SLC35F6: variants seen among roughly 807,000 people sequenced by gnomAD.
The protein encoded by SLC35F6 is ANT2-binding protein.
In SLC35F6, 26 loss-of-function variants were observed where a neutral mutation model predicts 29.4. The ratio of observed to expected loss-of-function variants is 0.89; its 90% CI spans 0.65 to 1.23. The LOEUF is 1.23. Among genes scored for constraint, SLC35F6 ranks in the 50% most tolerant of loss-of-function variants. SLC35F6 has a pLI of 0.00. For missense variants in SLC35F6, 428 were observed against 487.8 expected, an observed-to-expected ratio of 0.88 and a Z score of 1.15; for synonymous variants, 174 against 206.6, an observed-to-expected ratio of 0.84 and a Z score of 1.35.
chr2:26,775,260 G>A lies in SLC35F6; in HGVS notation c.322+45G>A. 1.3e-6 allele frequency: 2 copies of A among 1,586,456 alleles called. No individual in the cohort carries two copies. The highest frequency in any genetic ancestry group is 8.6e-7 in the Non-Finnish European group (1 of 1,164,998). ...TGAGAAGGGCTCAGGGGAAGCTGTGGCTGAAGGGGCTACTGGTGAAACAGC... is the reference window on the plus strand; with the variant it reads ...TGAGAAGGGCTCAGGGGAAGCTGTGACTGAAGGGGCTACTGGTGAAACAGC... On this transcript the variant is annotated intron_variant, in intron 3 of 5. Transcript: ENST00000344420. This position sits in a 1 kb window ranked among gnomAD's most constrained non-coding sequence, Gnocchi z 4.6.
rs375082105 is a variant in SLC35F6, at chr2:26,778,530, A to G, written c.*19A>G. On this transcript the variant is annotated 3_prime_UTR_variant, in exon 6 of 6. Coordinates refer to ENST00000344420, the MANE Select transcript of SLC35F6 (RefSeq NM_017877.4). ...CAGCTGAGGTTCCCTGGAGGCTTCT[A>G]CTGCCACCCGGGTGCTCCTTCTCCC... The G allele has an allele frequency of 9.6e-6, 15 of 1,561,838 alleles. No homozygotes were observed. The highest frequency in any genetic ancestry group is 8.1e-5 in the African/African-American group (6 of 73,634).
At chr2:26,777,394 G>A (rs1017619535) in intron 5 of SLC35F6, among the ~76,000 whole-genome samples, 2 of 152,192 alleles carry the variant, frequency 1.3e-5, no homozygotes, top group Non-Finnish European at 2.9e-5. Context: ...ATACAGCTGC[G>A]CTTTCAAAGA....
At chr2:26,772,802 G>A (rs149417010) in intron 1 of SLC35F6, among the ~76,000 whole-genome samples, 48 of 152,332 alleles carry the variant, frequency 3.2e-4, no homozygotes, top group African/African-American at 1.0e-3. Context: ...CAGCAAAGAC[G>A]AAATTCAAGA....
intron 1 of SLC35F6, among the ~76,000 whole-genome samples, chr2:26,771,814 G>A (rs1572632369): frequency 6.6e-6 from 1 of 151,490 alleles, no homozygotes; most frequent in Non-Finnish European, 1.5e-5. Context: ...AAAAAAAAAA[G>A]AGAAAGAAGT....
rs1401053434 is a variant in SLC35F6, at chr2:26,778,400, GCTA to G, written c.1007_1009del (p.Leu336del). On this transcript the variant is annotated inframe_deletion, in exon 6 of 6. Coordinates refer to ENST00000344420, the MANE Select transcript of SLC35F6 (RefSeq NM_017877.4). ...TTATAGGCACTGCCCTCTACAATGG[GCTA>G]CACCGTCCGCTGCTGGGCCGCCTGT... is the stretch of plus-strand genomic sequence containing the variant. 8 of 1,614,086 alleles carry G rather than the reference GCTA, an allele frequency of 5.0e-6. No individual in the cohort carries two copies. In the Admixed American group the frequency reaches 1.3e-4, roughly 27 times the overall value.
chr2:26,768,903 A>G (rs992929980), intron 1 of SLC35F6, among the ~76,000 whole-genome samples: 1 of 152,222 alleles, frequency 6.6e-6, no homozygotes, highest in East Asian at 1.9e-4. Context: ...TCAGCCTCCC[A>G]AAGTGTTGGG....
rs116386619 is a variant in SLC35F6, at chr2:26,779,009, C to T, written c.*498C>T. On this transcript the variant is annotated 3_prime_UTR_variant, in exon 6 of 6. Transcript: ENST00000344420. ...CTGGAGTGCAGTGGCACGATCTCGGCGGCTCACTACAACCTCTGCCTCCCA... is the reference window on the plus strand; with the variant it reads ...CTGGAGTGCAGTGGCACGATCTCGGTGGCTCACTACAACCTCTGCCTCCCA... 0.027 allele frequency: 4,119 copies of T among 152,272 alleles called. 193 individuals carry two copies. Among genetic ancestry groups the T allele is most frequent in the African/African-American group, 0.096 (3,936 of 41,194 alleles). 9.4% of individuals were successfully genotyped at this position (152,272 alleles called of 1,614,324 possible). A position where few individuals can be genotyped will look rare whatever the true frequency, so the allele number is the denominator to read the frequency against.
intron 1 of SLC35F6, among the ~76,000 whole-genome samples, chr2:26,765,304 G>A (rs1664077299): frequency 6.6e-6 from 1 of 152,220 alleles, no homozygotes; most frequent in African/African-American, 2.4e-5. Flanking sequence ...AGGGCAAGTG[G>A]CCAGTTCAGC....
chr2:26,777,161 C>T (rs187006352), intron 5 of SLC35F6, among the ~76,000 whole-genome samples: 73 of 152,288 alleles, frequency 4.8e-4, no homozygotes, highest in African/African-American at 1.5e-3. Context: ...ATTGCGCCAC[C>T]GCACTCCAGC....
Position 26,775,696 on chromosome 2 carries a change from C to T in SLC35F6, c.535+20C>T, listed in dbSNP as rs1664286596. On this transcript the variant is annotated intron_variant, in intron 4 of 5. Coordinates refer to ENST00000344420, the MANE Select transcript of SLC35F6 (RefSeq NM_017877.4). This position sits in a 1 kb window ranked among gnomAD's most constrained non-coding sequence, Gnocchi z 4.6. ...TCACAGGTGCGGCCAGGGGCAGGGA[C>T]ACGGGGCTGCCCTATCCTGCCCTGT... 2 of 1,543,274 alleles carry T rather than the reference C, an allele frequency of 1.3e-6. No homozygotes were observed. The highest frequency in any genetic ancestry group is 2.4e-5 in the South Asian group (2 of 83,720).
Position 26,778,227 on chromosome 2 carries a change from T to C in SLC35F6, c.832T>C (p.Phe278Leu). Residue 278 changes from phenylalanine (F) to leucine (L), a missense_variant, in exon 6 of 6, where the codon TTC becomes CTC. By Grantham distance (22) the Phe-to-Leu change is conservative (BLOSUM62 0). Transcript: ENST00000344420. ...CATCAGCAGCATTGCCTTCTTCAAC[T>C]TCGCAGGCATCAGCGTCACCAAGGA... ...GNISSIAFFN[F>L]AGISVTKELS... 1 of 1,614,150 alleles carries C rather than the reference T, an allele frequency of 6.2e-7. No individual in the cohort carries two copies.
chr2:26,767,298 C>T (rs1664111867), intron 1 of SLC35F6, among the ~76,000 whole-genome samples: 1 of 152,210 alleles, frequency 6.6e-6, no homozygotes, highest in South Asian at 2.1e-4. Flanking sequence ...AGCCCAGAGA[C>T]ACTGCTGACA....
chr2:26,766,189 C>A lies in SLC35F6; in HGVS notation c.77+1763C>A, dbSNP rs551175964. ...AGGATCCTCCCACCCCAAGATGGGC[C>A]CCCAAATTGGACCCTAAACAGTGTT... is the stretch of plus-strand genomic sequence containing the variant. On this transcript the variant is annotated intron_variant, in intron 1 of 5. Coordinates refer to ENST00000344420, the MANE Select transcript of SLC35F6 (RefSeq NM_017877.4). Among the ~76,000 whole-genome samples, 9 of 152,272 alleles carry A rather than the reference C, an allele frequency of 5.9e-5. No individual in the cohort carries two copies. In the East Asian group the frequency reaches 1.7e-3, roughly 29 times the overall value.
chr2:26,775,015 C>G lies in SLC35F6; in HGVS notation c.151-29C>G. On this transcript the variant is annotated intron_variant, in intron 2 of 5. Coordinates refer to ENST00000344420, the MANE Select transcript of SLC35F6 (RefSeq NM_017877.4). This position sits in a 1 kb window ranked among gnomAD's most constrained non-coding sequence, Gnocchi z 4.6. ...ATGATCCCCGAGATCCCTTCCAGCT[C>G]TGAAGTCCTCGGGTTTTCATCCCTG... The G allele has an allele frequency of 1.9e-6, 3 of 1,596,612 alleles. No individual in the cohort carries two copies. Among genetic ancestry groups the G allele is most frequent in the Non-Finnish European group, 1.7e-6 (2 of 1,169,954 alleles).
chr2:26,776,527 G>T (rs750192687), intron 5 of SLC35F6, 45 bp downstream of exon 5: 4 of 1,567,748 alleles, frequency 2.6e-6, no homozygotes, highest in Admixed American at 3.3e-5. Flanking sequence ...GTAGAAGGGA[G>T]CCTGGGGAGC....
intron 5 of SLC35F6, 88 bp downstream of exon 5, chr2:26,776,570 T>C: frequency 1.6e-6 from 2 of 1,224,178 alleles, no homozygotes; most frequent in Non-Finnish European, 2.4e-6. Flanking sequence ...GGTTCACTTG[T>C]GGGGGGTGAA....
chr2:26,764,522 G>C, intron 1 of SLC35F6, 96 bp downstream of exon 1: 1 of 1,448,980 alleles, frequency 6.9e-7, no homozygotes, highest in Non-Finnish European at 9.4e-7. Flanking sequence ...GGCTTCCCCT[G>C]CTTTCCCACT....
chr2:26,778,095 C>T lies in SLC35F6; in HGVS notation c.700C>T (p.Pro234Ser). The change falls in exon 6 of 6, where the codon CCC becomes TCC. Residue 234 changes from proline (P) to serine (S), a missense_variant. Transcript: ENST00000344420. ...SLLLVPMYYI[P>S]AGSFSGNPRG... ...GCTGCTGGTGCCCATGTACTACATC[C>T]CCGCCGGCTCCTTCAGCGGAAACCC... 6.2e-7 allele frequency: 1 copy of T among 1,614,110 alleles called. No individual in the cohort carries two copies. Among genetic ancestry groups the T allele is most frequent in the Non-Finnish European group, 8.5e-7 (1 of 1,179,984 alleles).
At chr2:26,776,868 C>T (rs973031864) in intron 5 of SLC35F6, among the ~76,000 whole-genome samples, 4 of 152,144 alleles carry the variant, frequency 2.6e-5, no homozygotes, top group African/African-American at 4.8e-5. Flanking sequence ...AGCAAAGGCA[C>T]AGGGGACTGG....
Sources: gnomAD v4.1 joint callset for allele counts (sites outside exome capture counted in the v4.1 genomes callset) on GRCh38, gnomAD v4.1.1 for gene constraint, Gnocchi (gnomAD v3.1) non-coding constraint, MANE v1.5 for transcripts, NCBI Gene and HGNC (gene_info 2026-07-23, HGNC 2026-07-21) for gene names.